TYW1: variants seen among roughly 807,000 people sequenced by gnomAD.
TYW1 encodes tRNA-yW synthesizing protein 1 homolog.
Under a neutral mutation model 96.2 loss-of-function variants are expected in TYW1, and 46 were observed. That is an observed-to-expected ratio of 0.48 (90% CI 0.38 to 0.61). The LOEUF (loss-of-function observed/expected upper bound fraction) is 0.61. TYW1 is among the 20% of genes least tolerant of loss of function. The pLI is 0.00. For synonymous variants in TYW1, 274 were observed against 323.0 expected (o/e 0.85, Z 1.63); for missense variants, 684 against 909.6 (o/e 0.75, Z 3.19).
Position 67,153,925 on chromosome 7 carries a change from C to CTTTT in TYW1, c.1699-29184_1699-29181dup, listed in dbSNP as rs34003922. ...ATATGTCATTCATTTTAACGACTTTCTTTTTTTTTTTTTTTTTTTTGAGAC... is the reference window on the plus strand; with the variant it reads ...ATATGTCATTCATTTTAACGACTTTCTTTTTTTTTTTTTTTTTTTTTTTTGAGAC... On this transcript the variant is annotated intron_variant, in intron 13 of 15. Transcript: ENST00000359626. Among the ~76,000 whole-genome samples, 80 of 130,334 alleles carry CTTTT rather than the reference C, an allele frequency of 6.1e-4. 2 individuals are homozygous for CTTTT. The highest frequency in any genetic ancestry group is 9.7e-4 in the East Asian group (4 of 4,142). The allele number at this position is 130,334 out of a possible 152,430, so 85.5% of individuals were successfully genotyped here. A position where few individuals can be genotyped will look rare whatever the true frequency, so the allele number is the denominator to read the frequency against.
intron 15 of TYW1, among the ~76,000 whole-genome samples, chr7:67,230,228 C>T (rs1279003816): frequency 6.6e-6 from 1 of 151,896 alleles, no homozygotes; most frequent in East Asian, 1.9e-4. Flanking sequence ...GTGGATTACA[C>T]AAGATACAGA....
chr7:67,227,517 A>G (rs1221002636), intron 15 of TYW1, among the ~76,000 whole-genome samples: 1 of 152,108 alleles, frequency 6.6e-6, no homozygotes, highest in East Asian at 1.9e-4. Context: ...TCAGCTGCCC[A>G]AAGTGCTGGG....
At chr7:67,062,756 A>G (rs576733426) in intron 9 of TYW1, among the ~76,000 whole-genome samples, 28 of 152,256 alleles carry the variant, frequency 1.8e-4, no homozygotes, top group Admixed American at 9.8e-4. Flanking sequence ...CTCAACCAAA[A>G]TATATAATCG....
chr7:67,078,397 A>G (rs902002869), intron 10 of TYW1, among the ~76,000 whole-genome samples: 1 of 151,844 alleles, frequency 6.6e-6, no homozygotes, highest in African/African-American at 2.4e-5. Context: ...ACCTGGCTAT[A>G]GTATATTTTG....
intron 12 of TYW1, among the ~76,000 whole-genome samples, chr7:67,100,532 G>A: frequency 6.6e-6 from 1 of 151,880 alleles, no homozygotes; most frequent in East Asian, 1.9e-4. Context: ...GTAAACACTG[G>A]CCAATAAAGT....
rs1287718882 is a variant in TYW1, at chr7:67,055,869, G to T, written c.1137G>T (p.Lys379Asn). The T allele has an allele frequency of 6.2e-7, 1 of 1,612,702 alleles. No individual in the cohort carries two copies. ...TGATTGGGAGCCACTCGGGGGTGAA[G>T]CTTTGCAGGTGGACAAAGGTATTTT... Reference protein sequence around the residue: ...YQLIGSHSGVKLCRWTKSMLR... With the variant: ...YQLIGSHSGVNLCRWTKSMLR... Residue 379 changes from lysine (K) to asparagine (N), a missense_variant, in exon 9 of 16, where the codon AAG becomes AAT. Physicochemically the swap from Lys to Asn is moderately conservative, Grantham distance 94. Transcript: ENST00000359626.
At chr7:67,021,187 C>T (rs980140011) in intron 6 of TYW1, among the ~76,000 whole-genome samples, 9 of 152,282 alleles carry the variant, frequency 5.9e-5, no homozygotes, top group African/African-American at 1.7e-4. Context: ...CTTAAATTAC[C>T]TTCTGTCTTC....
chr7:67,038,535 G>A (rs1179626423), intron 7 of TYW1, among the ~76,000 whole-genome samples: 1 of 151,954 alleles, frequency 6.6e-6, no homozygotes, highest in Non-Finnish European at 1.5e-5. Flanking sequence ...GAGCCTGGGA[G>A]GTCAAGGCTG....
At chr7:67,102,891 C>T (rs542647160) in intron 12 of TYW1, among the ~76,000 whole-genome samples, 107 of 152,288 alleles carry the variant, frequency 7.0e-4, no homozygotes, top group Admixed American at 1.7e-3. Flanking sequence ...CCTCGTAATC[C>T]GCCCGCCTTG....
intron 15 of TYW1, among the ~76,000 whole-genome samples, chr7:67,212,186 C>T (rs1563073917): frequency 6.6e-6 from 1 of 151,954 alleles, no homozygotes; most frequent in Non-Finnish European, 1.5e-5. Context: ...AGTTGTGCCT[C>T]TTCCAAGGGT....
chr7:67,185,837 A>C (rs1305508529), intron 14 of TYW1, among the ~76,000 whole-genome samples: 3 of 149,838 alleles, frequency 2.0e-5, no homozygotes, highest in Non-Finnish European at 3.0e-5. Flanking sequence ...GGGAAAGCCA[A>C]CTCTGCTCAT....
chr7:67,212,093 A>G (rs565576693), intron 15 of TYW1, among the ~76,000 whole-genome samples: 2 of 152,278 alleles, frequency 1.3e-5, no homozygotes, highest in East Asian at 3.9e-4. Flanking sequence ...TTCTGCCCTA[A>G]AAATGCCCCT....
At chr7:67,104,729 T>C (rs1274742703) in intron 12 of TYW1, among the ~76,000 whole-genome samples, 1 of 152,232 alleles carries the variant, frequency 6.6e-6, no homozygotes, top group Admixed American at 6.5e-5. Context: ...AGTAGCTGTA[T>C]GCTTTTGTCA....
At chr7:67,014,159 C>T (rs1457255575) in intron 4 of TYW1, among the ~76,000 whole-genome samples, 2 of 152,172 alleles carry the variant, frequency 1.3e-5, no homozygotes, top group Non-Finnish European at 1.5e-5. Flanking sequence ...AGGAGGTATA[C>T]TGGCAGGAGC....
At chr7:67,125,487 C>T (rs1797885128) in intron 13 of TYW1, among the ~76,000 whole-genome samples, 1 of 150,686 alleles carries the variant, frequency 6.6e-6, no homozygotes, top group African/African-American at 2.4e-5. Context: ...CCCCCTATTC[C>T]ATGCATGCGT....
intron 5 of TYW1, among the ~76,000 whole-genome samples, chr7:67,017,608 G>A (rs1185591826): frequency 6.6e-6 from 1 of 151,892 alleles, no homozygotes; most frequent in Non-Finnish European, 1.5e-5. Context: ...TTGATAAAGG[G>A]GGTTTGTTTG....
intron 6 of TYW1, among the ~76,000 whole-genome samples, chr7:67,023,971 T>A (rs528377299): frequency 6.6e-6 from 1 of 152,274 alleles, no homozygotes; most frequent in Non-Finnish European, 1.5e-5. Context: ...TGAATGGGTA[T>A]ATGAACATTG....
chr7:67,235,266 C>T (rs1232793761), intron 15 of TYW1, among the ~76,000 whole-genome samples: 4 of 152,210 alleles, frequency 2.6e-5, no homozygotes, highest in Non-Finnish European at 5.9e-5. Context: ...TGTACATAAC[C>T]TCACCTGCTA....
intron 13 of TYW1, among the ~76,000 whole-genome samples, chr7:67,154,165 A>AGG (rs1798894518): frequency 6.6e-6 from 1 of 151,966 alleles, no homozygotes; most frequent in Non-Finnish European, 1.5e-5. Flanking sequence ...CTCATGATCC[A>AGG]CCTGCCTTGG....
Sources: allele counts gnomAD v4.1 joint callset (sites outside exome capture counted in the v4.1 genomes callset), GRCh38; gene constraint gnomAD v4.1.1; transcripts MANE v1.5; gene names NCBI Gene and HGNC (gene_info 2026-07-23, HGNC 2026-07-21).